Variants in GABRB1 observed in about 807,000 individuals in gnomAD.
GABRB1 encodes gamma-aminobutyric acid receptor subunit beta-1.
In GABRB1, 17 loss-of-function variants were observed where a neutral mutation model predicts 51.6. The observed-to-expected ratio is 0.33, with a 90% CI of 0.23 to 0.49. GABRB1 has a LOEUF of 0.49. GABRB1 is among the 20% of genes least tolerant of loss of function. The probability of loss-of-function intolerance (pLI) is 0.99; values close to 1 mark genes in which losing one functional copy is unlikely to be tolerated. For synonymous variants in GABRB1, 247 were observed against 218.9 expected, an observed-to-expected ratio of 1.13 and a Z score of -1.14; for missense variants, 410 against 600.6, an observed-to-expected ratio of 0.68 and a Z score of 3.32.
intron 3 of GABRB1, among the ~76,000 whole-genome samples, chr4:47,064,202 A>C (rs185616381): frequency 2.6e-4 from 39 of 152,276 alleles, no homozygotes; most frequent in Admixed American, 2.0e-3. Flanking sequence ...TGCCCTGTGC[A>C]CTTGCTTTGT....
At position 47,197,914 on chromosome 4, in the gene GABRB1, G is replaced by A. The variant is rs567597902; in HGVS notation, c.461+36445G>A. On this transcript the variant is annotated intron_variant, in intron 4 of 8. Transcript: ENST00000295454. The stretch of plus-strand genomic sequence containing the variant: ...ACTTCAAGCCTTTTAATTTATTAAA[G>A]CATATTCTTCCCAGTATAAAATGCC... Among the ~76,000 whole-genome samples, 426 of 152,212 alleles carry A rather than the reference G, an allele frequency of 2.8e-3. 1 individual carries two copies. Among genetic ancestry groups the A allele is most frequent in the Non-Finnish European group, 5.1e-3 (344 of 68,002 alleles).
intron 3 of GABRB1, among the ~76,000 whole-genome samples, chr4:47,086,918 A>C (rs1224802081): frequency 4.6e-5 from 7 of 152,196 alleles, no homozygotes; most frequent in Non-Finnish European, 1.0e-4. Context: ...TCTGCTGCAA[A>C]GTGTCACAAT....
intron 4 of GABRB1, among the ~76,000 whole-genome samples, chr4:47,293,930 C>T (rs1283497305): frequency 1.3e-5 from 2 of 152,146 alleles, no homozygotes; most frequent in African/African-American, 4.8e-5. Flanking sequence ...ACATATAACA[C>T]AAATTTATAT....
At chr4:47,123,561 AATATATT>A (rs1715917095) in intron 3 of GABRB1, among the ~76,000 whole-genome samples, 1 of 65,034 alleles carries the variant, frequency 1.5e-5, no homozygotes, top group Non-Finnish European at 2.6e-5. Flanking sequence ...TATATATTAT[AATATATT>A]ACATTATTTC....
intron 3 of GABRB1, among the ~76,000 whole-genome samples, chr4:47,076,354 T>C (rs1727548611): frequency 1.3e-5 from 2 of 152,180 alleles, no homozygotes; most frequent in African/African-American, 2.4e-5. Flanking sequence ...GTCCTTTGGA[T>C]ATACAGCAGC....
At chr4:47,138,078 G>T (rs545385244) in intron 3 of GABRB1, among the ~76,000 whole-genome samples, 1 of 152,048 alleles carries the variant, frequency 6.6e-6, no homozygotes, top group Non-Finnish European at 1.5e-5. Context: ...AGATTGTGTG[G>T]ATGGCAAGTT....
chr4:47,379,084 A>G (rs983092919), intron 5 of GABRB1, among the ~76,000 whole-genome samples: 6 of 152,224 alleles, frequency 3.9e-5, no homozygotes, highest in Non-Finnish European at 5.9e-5. Context: ...GATCAAAACT[A>G]TTCTGCCAAT....
chr4:47,056,606 A>G (rs1577867136), intron 3 of GABRB1, among the ~76,000 whole-genome samples: 1 of 152,184 alleles, frequency 6.6e-6, no homozygotes. Flanking sequence ...TTGGGAATCC[A>G]TGCCCTGAAA....
chr4:47,400,576 TTC>T (rs1022244231), intron 5 of GABRB1, among the ~76,000 whole-genome samples: 1 of 141,230 alleles, frequency 7.1e-6, no homozygotes, highest in South Asian at 2.3e-4. Flanking sequence ...CTGCCTTTTC[TTC>T]TCTCTCTTTT....
chr4:47,285,804 G>A (rs1444631031), intron 4 of GABRB1, among the ~76,000 whole-genome samples: 1 of 152,172 alleles, frequency 6.6e-6, no homozygotes, highest in Non-Finnish European at 1.5e-5. Flanking sequence ...CTGGTACATA[G>A]TTAATAATTG....
intron 5 of GABRB1, among the ~76,000 whole-genome samples, chr4:47,338,046 A>G (rs138643440): frequency 1.9e-3 from 287 of 152,096 alleles, no homozygotes; most frequent in Non-Finnish European, 3.1e-3. Context: ...ATTTGTCATC[A>G]CTGTGATTAT....
chr4:47,324,655 T>A (rs1725188045), intron 5 of GABRB1, among the ~76,000 whole-genome samples: 1 of 152,190 alleles, frequency 6.6e-6, no homozygotes, highest in Admixed American at 6.5e-5. Context: ...TTACATTCAA[T>A]CTTATGCTGT....
At chr4:47,029,570 G>T (rs142309659), upstream of GABRB1, among the ~76,000 whole-genome samples, 403 of 151,910 alleles carry the variant, frequency 2.7e-3, 2 homozygotes, top group African/African-American at 9.5e-3. Flanking sequence ...CATAGTTATC[G>T]CAATAATCTT....
intron 3 of GABRB1, among the ~76,000 whole-genome samples, chr4:47,053,727 G>A (rs894474820): frequency 4.6e-5 from 7 of 152,166 alleles, no homozygotes; most frequent in Non-Finnish European, 7.4e-5. Context: ...GAGAGTGACC[G>A]AGCTGAGAGA....
intron 5 of GABRB1, among the ~76,000 whole-genome samples, chr4:47,350,212 T>TAGAGAGAGAG (rs778764022): frequency 3.3e-4 from 28 of 85,628 alleles, no homozygotes; most frequent in East Asian, 1.4e-3. Flanking sequence ...TATATATATA[T>TAGAGAGAGAG]ATATATAGAG....
intron 3 of GABRB1, among the ~76,000 whole-genome samples, chr4:47,140,581 A>G (rs942624724): frequency 6.6e-6 from 1 of 151,948 alleles, no homozygotes; most frequent in Non-Finnish European, 1.5e-5. Flanking sequence ...CATGCAAAAC[A>G]TGGTGGGTAA....
chr4:47,008,341 G>T (rs1724472442), intron 1 of GABRB1, among the ~76,000 whole-genome samples: 1 of 152,060 alleles, frequency 6.6e-6, no homozygotes, highest in Non-Finnish European at 1.5e-5. Flanking sequence ...TAAGACGTGG[G>T]CTAGATGAGA....
intron 4 of GABRB1, among the ~76,000 whole-genome samples, chr4:47,192,562 A>C (rs1420306819): frequency 6.6e-6 from 1 of 152,160 alleles, no homozygotes; most frequent in Non-Finnish European, 1.5e-5. Context: ...ACTATCAAAA[A>C]ATATATAGTA....
intron 3 of GABRB1, among the ~76,000 whole-genome samples, chr4:47,083,005 G>C (rs182727214): frequency 6.6e-6 from 1 of 152,258 alleles, no homozygotes; most frequent in East Asian, 1.9e-4. Flanking sequence ...AGCCATTCAT[G>C]AGTAATAGGC....
Sources: gnomAD v4.1 joint callset for allele counts (sites outside exome capture counted in the v4.1 genomes callset) on GRCh38, gnomAD v4.1.1 for gene constraint, MANE v1.5 for transcripts, NCBI Gene and HGNC (gene_info 2026-07-23, HGNC 2026-07-21) for gene names.